Variants in RASEF observed in about 807,000 individuals in gnomAD.
The protein encoded by RASEF is RAS and EF-hand domain containing, also known as ras and EF-hand domain-containing protein.
RASEF carries 68 observed loss-of-function variants against 90.1 expected under a neutral mutation model. That is an observed-to-expected ratio of 0.75 (90% CI 0.62 to 0.92). The LOEUF is 0.92. Among genes scored for constraint, RASEF ranks in the 40% least tolerant of loss-of-function variants. The probability of loss-of-function intolerance (pLI) is 0.00; values close to 1 mark genes in which losing one functional copy is unlikely to be tolerated. For missense variants in RASEF, 949 were observed against 937.2 expected, an observed-to-expected ratio of 1.01 and a Z score of -0.16; for synonymous variants, 331 against 345.2, an observed-to-expected ratio of 0.96 and a Z score of 0.46.
At chr9:83,152,961 G>A in the RASEF span, among the ~76,000 whole-genome samples, 1 of 152,164 alleles carries the variant, frequency 6.6e-6, no homozygotes, top group Non-Finnish European at 1.5e-5. Context: ...CATATCATTG[G>A]AGAACTTTGT....
chr9:83,080,335 G>C, the RASEF span, among the ~76,000 whole-genome samples: 1 of 152,242 alleles, frequency 6.6e-6, no homozygotes, highest in Non-Finnish European at 1.5e-5. Context: ...GGAAATGTAA[G>C]AGAGTTCCAT....
the RASEF span, among the ~76,000 whole-genome samples, chr9:83,210,429 A>G: frequency 6.6e-6 from 1 of 152,206 alleles, no homozygotes; most frequent in Non-Finnish European, 1.5e-5. Context: ...TGATGAAGTG[A>G]CTTCTTCAAG....
chr9:83,088,421 A>T, the RASEF span, among the ~76,000 whole-genome samples: 1 of 130,110 alleles, frequency 7.7e-6, no homozygotes, highest in Admixed American at 7.9e-5. Flanking sequence ...TACACAGATA[A>T]TATGTGAACT....
the RASEF span, among the ~76,000 whole-genome samples, chr9:83,179,803 C>T: frequency 4.6e-5 from 7 of 152,060 alleles, no homozygotes; most frequent in Admixed American, 4.6e-4. Context: ...AAAACACACA[C>T]ACATACACAC....
the RASEF span, among the ~76,000 whole-genome samples, chr9:83,169,347 C>CCACA: frequency 1.3e-5 from 1 of 77,358 alleles, no homozygotes; most frequent in African/African-American, 5.1e-5. Flanking sequence ...ATACTGATTT[C>CCACA]CATACACACA....
the RASEF span, among the ~76,000 whole-genome samples, chr9:83,093,800 G>A: frequency 0.021 from 3,156 of 152,358 alleles, 90 homozygotes; most frequent in African/African-American, 0.071. Context: ...CGCCAAAGTG[G>A]GAGCCCAGGC....
chr9:83,081,064 G>A, the RASEF span, among the ~76,000 whole-genome samples: 1 of 152,158 alleles, frequency 6.6e-6, no homozygotes, highest in Non-Finnish European at 1.5e-5. Flanking sequence ...TCCTGTATTA[G>A]CTCACTTCAT....
chr9:83,100,331 C>A, the RASEF span, among the ~76,000 whole-genome samples: 1 of 152,102 alleles, frequency 6.6e-6, no homozygotes, highest in East Asian at 1.9e-4. Context: ...AGCTCAGAGC[C>A]CAAGATGAAG....
chr9:83,179,901 G>A, the RASEF span, among the ~76,000 whole-genome samples: 104 of 152,118 alleles, frequency 6.8e-4, no homozygotes, highest in African/African-American at 2.4e-3. Flanking sequence ...TACTTACAAC[G>A]AGACAAAAAG....
At chr9:83,158,661 T>TATGTATATATTTATGTACATATAC in the RASEF span, among the ~76,000 whole-genome samples, 3 of 143,766 alleles carry the variant, frequency 2.1e-5, no homozygotes, top group South Asian at 2.2e-4. Flanking sequence ...AATATATACA[T>TATGTATATATTTATGTACATATAC]ATATGTATAT....
intron 1 of RASEF, among the ~76,000 whole-genome samples, chr9:83,057,065 T>A (rs1421677884): frequency 6.6e-6 from 1 of 152,312 alleles, no homozygotes; most frequent in African/African-American, 2.4e-5. Flanking sequence ...ACCTAAGGCA[T>A]GCACAGATTC....
the RASEF span, among the ~76,000 whole-genome samples, chr9:83,181,590 C>A: frequency 6.6e-6 from 1 of 152,172 alleles, no homozygotes; most frequent in Non-Finnish European, 1.5e-5. Context: ...ATCATTCTCA[C>A]CTCTTTTTCC....
rs183401197 is a variant in RASEF, at chr9:83,018,071, T to C, written c.670-2171A>G. On this transcript the variant is annotated intron_variant, in intron 3 of 16. Transcript: ENST00000376447. ...ACTCTACTGCATTTATAAAGGCATC[T>C]GTGAACACTACACTACTAACATCAC... 4.3e-4 allele frequency among the ~76,000 whole-genome samples: 65 copies of C among 152,346 alleles called. No individual in the cohort carries two copies. In the East Asian group the frequency reaches 6.0e-3, roughly 14 times the overall value.
chr9:83,037,681 A>G (rs1829767768), intron 1 of RASEF, among the ~76,000 whole-genome samples: 1 of 151,684 alleles, frequency 6.6e-6, no homozygotes, highest in Admixed American at 6.6e-5. Flanking sequence ...GCTTATCACC[A>G]TTCAGATTTT....
intron 1 of RASEF, among the ~76,000 whole-genome samples, chr9:83,045,279 G>A (rs919511668): frequency 2.0e-5 from 3 of 152,104 alleles, no homozygotes; most frequent in Non-Finnish European, 4.4e-5. Context: ...TTTCATTGGG[G>A]CTAATCAATG....
intron 1 of RASEF, among the ~76,000 whole-genome samples, chr9:83,061,243 T>C (rs1830195395): frequency 6.6e-6 from 1 of 152,200 alleles, no homozygotes; most frequent in Admixed American, 6.5e-5. Flanking sequence ...TACACAACCC[T>C]TCTATGGCAG....
Position 83,009,745 on chromosome 9 carries a change from T to C in RASEF, c.855A>G (p.Lys285=), listed in dbSNP as rs182611254. 1.5e-5 allele frequency: 24 copies of C among 1,609,400 alleles called. 1 individual carries two copies. In the South Asian group the frequency reaches 1.8e-4, roughly 12 times the overall value. ...QIYDLSMENQ[K]VKKDLLEAQT... is the part of the protein sequence containing the mutation. ...GTGCTTCTAAAAGGTCTTTCTTAACTTTCTGGTTTTCCTGGATAAAATGAA... is the reference window on the plus strand; with the variant it reads ...GTGCTTCTAAAAGGTCTTTCTTAACCTTCTGGTTTTCCTGGATAAAATGAA... Residue 285 remains lysine (K), a synonymous_variant, in exon 6 of 17, where the codon AAA becomes AAG. Transcript: ENST00000376447.
intron 5 of RASEF, among the ~76,000 whole-genome samples, chr9:83,011,063 A>G (rs1829234594): frequency 6.6e-6 from 1 of 152,220 alleles, no homozygotes; most frequent in Non-Finnish European, 1.5e-5. Flanking sequence ...ATTCTCAAAT[A>G]TTCAAAAACA....
chr9:82,984,547 C>T (rs914639381), intron 16 of RASEF, among the ~76,000 whole-genome samples: 1 of 152,174 alleles, frequency 6.6e-6, no homozygotes, highest in Non-Finnish European at 1.5e-5. Flanking sequence ...CCCAGACACA[C>T]ACACCCGACA....
Sources: gnomAD v4.1 joint callset for allele counts (sites outside exome capture counted in the v4.1 genomes callset) on GRCh38, gnomAD v4.1.1 for gene constraint, MANE v1.5 for transcripts, NCBI Gene and HGNC (gene_info 2026-07-23, HGNC 2026-07-21) for gene names.